The following ATPAF2 variants were observed in gnomAD, a reference collection of about 807,000 sequenced individuals.
The protein encoded by ATPAF2 is ATP synthase mitochondrial F1 complex assembly factor 2.
Under a neutral mutation model 36.6 loss-of-function variants are expected in ATPAF2, and 30 were observed. The ratio of observed to expected loss-of-function variants is 0.82; its 90% CI spans 0.61 to 1.11. The LOEUF (loss-of-function observed/expected upper bound fraction) is 1.11. Ranked by LOEUF, ATPAF2 falls within the 50% of genes most tolerant of loss-of-function variation. ATPAF2 has a pLI of 0.00. For missense variants in ATPAF2, 321 were observed against 372.3 expected, an observed-to-expected ratio of 0.86 and a Z score of 1.13; for synonymous variants, 140 against 152.6, an observed-to-expected ratio of 0.92 and a Z score of 0.61.
At chr17:18,019,147 CCACACACACACACACACACA>C (rs138932269) in intron 7 of ATPAF2, among the ~76,000 whole-genome samples, 6 of 135,570 alleles carry the variant, frequency 4.4e-5, no homozygotes, top group Non-Finnish European at 7.7e-5. Flanking sequence ...CTCAAAAACA[CCACACACACACACACACACA>C]CACACACACA....
Position 18,018,513 on chromosome 17 carries a change from C to T in ATPAF2, c.*36G>A. On this transcript the variant is annotated 3_prime_UTR_variant, in exon 8 of 8. Transcript: ENST00000474627. ...GAAGGCCGGGGGAGCTGTGGCTGCA[C>T]TGCCTCTATCCTGCTGAGTGTGCTC... 1 of 1,611,256 alleles carries T rather than the reference C, an allele frequency of 6.2e-7. No homozygotes were observed. Among genetic ancestry groups the T allele is most frequent in the Non-Finnish European group, 8.5e-7 (1 of 1,179,964 alleles).
chr17:18,017,171 CAAAAAAAAAAAAAAAAAAAAAAA>C (rs59274380), downstream of ATPAF2, among the ~76,000 whole-genome samples: 1 of 43,644 alleles, frequency 2.3e-5, no homozygotes, highest in South Asian at 9.5e-4. Context: ...GACTTCGTCT[CAAAAAAAAAAAAAAAAAAAAAAA>C]AAAAAAAAAA....
At chr17:18,023,329 G>A (rs562523155) in intron 5 of ATPAF2, among the ~76,000 whole-genome samples, 1 of 151,148 alleles carries the variant, frequency 6.6e-6, no homozygotes, top group Non-Finnish European at 1.5e-5. Flanking sequence ...TTGAGAGGCT[G>A]AGGCACGAGA....
chr17:18,033,549 CT>C (rs1231223899), intron 1 of ATPAF2, among the ~76,000 whole-genome samples: 3 of 151,816 alleles, frequency 2.0e-5, no homozygotes, highest in Non-Finnish European at 4.4e-5. Flanking sequence ...ATCAGCCTAG[CT>C]TTGTAGGATC....
chr17:18,034,461 T>C (rs1211812448), intron 1 of ATPAF2, among the ~76,000 whole-genome samples: 1 of 152,064 alleles, frequency 6.6e-6, no homozygotes, highest in Non-Finnish European at 1.5e-5. Context: ...AAAGAAAATA[T>C]ACAAATAGCC....
intron 1 of ATPAF2, among the ~76,000 whole-genome samples, chr17:18,033,240 C>T (rs2044661852): frequency 1.3e-5 from 2 of 151,674 alleles, no homozygotes; most frequent in Non-Finnish European, 2.9e-5. Context: ...GTGGTATTGC[C>T]TGCCTGTAAT....
chr17:18,017,280 C>T (rs2044397523), downstream of ATPAF2, among the ~76,000 whole-genome samples: 1 of 149,974 alleles, frequency 6.7e-6, no homozygotes, highest in Admixed American at 6.7e-5. Flanking sequence ...GAGCAACTCC[C>T]AAGGGCACTG....
downstream of ATPAF2, chr17:18,015,614 ACCC>A: frequency 1.3e-5 from 2 of 157,780 alleles, no homozygotes; most frequent in Admixed American, 6.1e-5. Flanking sequence ...TGGGGTGAAC[ACCC>A]ATGAGTTTGT....
At chr17:18,034,900 A>G (rs1217046884) in intron 1 of ATPAF2, among the ~76,000 whole-genome samples, 1 of 152,222 alleles carries the variant, frequency 6.6e-6, no homozygotes, top group Admixed American at 6.5e-5. Context: ...TTGTTTGGCA[A>G]TAAAGAAGAA....
intron 1 of ATPAF2, among the ~76,000 whole-genome samples, chr17:18,031,153 G>C (rs995106052): frequency 3.7e-5 from 5 of 136,806 alleles, no homozygotes; most frequent in African/African-American, 1.4e-4. Flanking sequence ...TTTGCATTTT[G>C]TTTAGTAGAG....
chr17:18,031,104 C>G (rs959141325), intron 1 of ATPAF2, among the ~76,000 whole-genome samples: 2 of 150,764 alleles, frequency 1.3e-5, no homozygotes, highest in African/African-American at 4.9e-5. Flanking sequence ...TCCCGAGTAC[C>G]TGGGACTACA....
Position 18,021,757 on chromosome 17 carries a change from A to C in ATPAF2, c.604T>G (p.Trp202Gly). Residue 202 changes from tryptophan (W) to glycine (G), a missense_variant, in exon 6 of 8, where the codon TGG (tryptophan) becomes GGG (glycine). Trp to Gly is a radical substitution (Grantham distance 184). Around this residue, in one of 3 missense-constraint regions of ATPAF2, gnomAD observed 199 missense variants for 220.6 expected, o/e 0.90. Coordinates refer to ENST00000474627, the MANE Select transcript of ATPAF2 (RefSeq NM_145691.4). ...ACTCCATACATGCCTTGTAAAGCCC[A>C]TGTGTTGTAAGATGCCAGGTGGCTG... is the stretch of plus-strand genomic sequence containing the variant. ...LVSHLASYNT[W>G]ALQGIEFVAA... is the part of the protein sequence containing the mutation. 1 of 1,613,914 alleles carries C rather than the reference A, an allele frequency of 6.2e-7. No homozygotes were observed. Among genetic ancestry groups the C allele is most frequent in the Non-Finnish European group, 8.5e-7 (1 of 1,179,926 alleles).
chr17:18,037,383 T>A (rs920970674), intron 1 of ATPAF2, among the ~76,000 whole-genome samples: 2 of 151,992 alleles, frequency 1.3e-5, no homozygotes, highest in Admixed American at 6.6e-5. Context: ...AAGTCAGGAG[T>A]TCGAGACCAG....
intron 1 of ATPAF2, among the ~76,000 whole-genome samples, chr17:18,030,616 G>C (rs1221360139): frequency 6.6e-6 from 1 of 150,440 alleles, no homozygotes. Context: ...GGACAGGGAA[G>C]GGTAATGGAG....
chr17:18,022,911 G>A (rs1378201972), intron 5 of ATPAF2, among the ~76,000 whole-genome samples: 1 of 151,946 alleles, frequency 6.6e-6, no homozygotes, highest in African/African-American at 2.4e-5. Context: ...GGATCACGAG[G>A]TCAGGAGATT....
intron 7 of ATPAF2, 77 bp from the exon 8 acceptor site, chr17:18,018,763 C>T (rs2044422789): frequency 3.1e-6 from 5 of 1,607,540 alleles, no homozygotes; most frequent in Non-Finnish European, 4.2e-6. Flanking sequence ...ACGTTCCATT[C>T]CAATAGGTTG....
downstream of ATPAF2, among the ~76,000 whole-genome samples, chr17:18,017,443 G>A (rs1427407406): frequency 6.6e-6 from 1 of 152,232 alleles, no homozygotes; most frequent in African/African-American, 2.4e-5. Flanking sequence ...CAGGGAAGCA[G>A]GAGGAGAGGC....
downstream of ATPAF2, chr17:18,015,972 G>T: frequency 7.1e-7 from 1 of 1,416,954 alleles, no homozygotes; most frequent in Non-Finnish European, 9.7e-7. Context: ...GCACAGCCAG[G>T]GGACTTCCAA....
chr17:18,021,028 A>G (rs1273382293), intron 7 of ATPAF2, 95 bp downstream of exon 7: 14 of 1,499,748 alleles, frequency 9.3e-6, no homozygotes, highest in African/African-American at 2.8e-5. Flanking sequence ...ATAAAAGCCA[A>G]GTATGCATAA....
Sources: allele counts gnomAD v4.1 joint callset (sites outside exome capture counted in the v4.1 genomes callset), GRCh38; gene constraint gnomAD v4.1.1; regional missense constraint gnomAD v4.1.1; transcripts MANE v1.5; gene names NCBI Gene and HGNC (gene_info 2026-07-23, HGNC 2026-07-21).